ABCC1: variants seen among roughly 807,000 people sequenced by gnomAD.
ABCC1 encodes multidrug resistance-associated protein 1.
In ABCC1, 83 loss-of-function variants were observed where a neutral mutation model predicts 172.9. The observed-to-expected ratio is 0.48, with a 90% confidence interval of 0.40 to 0.58. The LOEUF is 0.58. Ranked by LOEUF, ABCC1 falls within the 20% of genes least tolerant of loss-of-function variation. The probability of loss-of-function intolerance (pLI) is 0.00; values close to 1 mark genes in which losing one functional copy is unlikely to be tolerated. For missense variants in ABCC1, 1,817 were observed against 2,002.7 expected, an observed-to-expected ratio of 0.91 and a Z score of 1.77; for synonymous variants, 937 against 825.2, an observed-to-expected ratio of 1.14 and a Z score of -2.32.
At chr16:15,995,955 G>C (rs879883749) in intron 1 of ABCC1, among the ~76,000 whole-genome samples, 4 of 148,598 alleles carry the variant, frequency 2.7e-5, no homozygotes, top group Non-Finnish European at 5.9e-5. Context: ...GATTACAGGT[G>C]TGTACCACCA....
rs527425430 is a variant in ABCC1 at position 15,989,979 on chromosome 16, C to T, written c.49-17837C>T. On this transcript the variant is annotated intron_variant, in intron 1 of 30. Coordinates refer to ENST00000399410, the MANE Select transcript of ABCC1 (RefSeq NM_004996.4). ...GCAGCTTCCCACTCCTGGGCTCAAG[C>T]GATCTTACCACCTCAGCCTCCCAAG... Among the ~76,000 whole-genome samples the T allele has an allele frequency of 3.9e-5, 6 of 151,930 alleles. No homozygotes were observed. In the South Asian group the frequency reaches 1.0e-3, roughly 26 times the overall value.
intron 6 of ABCC1, among the ~76,000 whole-genome samples, chr16:16,033,582 G>C (rs552656953): frequency 3.1e-4 from 47 of 152,210 alleles, no homozygotes; most frequent in African/African-American, 1.1e-3. Context: ...CACATGTGCA[G>C]ATCAGCAGTG....
chr16:16,056,010 A>C, intron 11 of ABCC1, 82 bp from the exon 12 acceptor site: 2 of 1,239,960 alleles, frequency 1.6e-6, no homozygotes, highest in Non-Finnish European at 2.3e-6. Context: ...AATAAAGTTT[A>C]TGAGAAAAAT....
intron 1 of ABCC1, among the ~76,000 whole-genome samples, chr16:16,001,489 C>T (rs1409906421): frequency 2.0e-5 from 3 of 152,044 alleles, no homozygotes; most frequent in African/African-American, 4.8e-5. Context: ...CGTGAGCCAC[C>T]GCGCCCAGCC....
intron 26 of ABCC1, among the ~76,000 whole-genome samples, chr16:16,127,948 G>A (rs1347903007): frequency 2.2e-5 from 3 of 135,278 alleles, no homozygotes; most frequent in Non-Finnish European, 4.8e-5. Flanking sequence ...GATGGAATTT[G>A]GCTTTTTTTT....
chr16:16,048,138 A>G lies in ABCC1; in HGVS notation c.1219-4A>G. 1 of 1,613,880 alleles carries G rather than the reference A, an allele frequency of 6.2e-7. No homozygotes were observed. Among genetic ancestry groups the G allele is most frequent in the Non-Finnish European group, 8.5e-7 (1 of 1,179,942 alleles). ...ACCCACCTTCCCTCTCCTTTGTCCCACAGGCCCTGGTGATCACCAATTCAG... is the reference window on the plus strand; with the variant it reads ...ACCCACCTTCCCTCTCCTTTGTCCCGCAGGCCCTGGTGATCACCAATTCAG... On this transcript the variant is annotated splice_region_variant and splice_polypyrimidine_tract_variant and intron_variant, in intron 9 of 30. Coordinates refer to ENST00000399410, the MANE Select transcript of ABCC1 (RefSeq NM_004996.4).
At position 16,066,934 on chromosome 16, in the gene ABCC1, C is replaced by T. The variant is rs192161500; in HGVS notation, c.1678-1222C>T. Reference sequence around the variant, plus strand: ...AAAAAAAGTATCTTTAGGTAAGATGCCAGTGTTGCGTTACCGCTTAGAAGA... The same window carrying T: ...AAAAAAAGTATCTTTAGGTAAGATGTCAGTGTTGCGTTACCGCTTAGAAGA... On this transcript the variant is annotated intron_variant, in intron 12 of 30. Transcript: ENST00000399410. Among the ~76,000 whole-genome samples, 357 of 151,722 alleles carry T rather than the reference C, an allele frequency of 2.4e-3. 9 individuals are homozygous for T. The highest frequency in any genetic ancestry group is 1.8e-3 in the Non-Finnish European group (121 of 67,950).
At chr16:16,006,843 G>A (rs984120350) in intron 1 of ABCC1, among the ~76,000 whole-genome samples, 1 of 145,770 alleles carries the variant, frequency 6.9e-6, no homozygotes, top group African/African-American at 2.8e-5. Flanking sequence ...GTTGTTATCC[G>A]TGGTGGTGGC....
At chr16:16,026,947 T>TTC (rs540438388) in intron 5 of ABCC1, among the ~76,000 whole-genome samples, 7 of 152,038 alleles carry the variant, frequency 4.6e-5, no homozygotes, top group Non-Finnish European at 8.8e-5. Context: ...CTGTGCAGTG[T>TTC]TCTGTCTGTC....
intron 1 of ABCC1, among the ~76,000 whole-genome samples, chr16:15,959,206 A>C (rs2046072589): frequency 1.3e-5 from 2 of 152,170 alleles, no homozygotes; most frequent in South Asian, 4.1e-4. Flanking sequence ...CTAGAGAAGA[A>C]ACTTGCGGCA....
intron 29 of ABCC1, 139 bp downstream of exon 29, chr16:16,136,783 C>T (rs1385370491): frequency 2.0e-6 from 2 of 1,017,508 alleles, no homozygotes; most frequent in African/African-American, 1.6e-5. Flanking sequence ...CCTCTTGGAG[C>T]CTCAGTTTCT....
At position 16,114,794 on chromosome 16, in the gene ABCC1, C is replaced by T. The variant is rs199993607; in HGVS notation, c.3108C>T (p.Ala1036=). ...QGIAVFGYSM[A]VSIGGILASR... ...TCGCCGTGTTTGGCTACTCCATGGCCGTGTCCATCGGGGGGATCTTGGCTT... is the reference window on the plus strand; with the variant it reads ...TCGCCGTGTTTGGCTACTCCATGGCTGTGTCCATCGGGGGGATCTTGGCTT... Residue 1036 remains alanine (A), a synonymous_variant, in exon 23 of 31, where the codon GCC becomes GCT. Transcript: ENST00000399410. 2.2e-5 allele frequency: 36 copies of T among 1,605,840 alleles called. No homozygotes were observed. The highest frequency in any genetic ancestry group is 1.5e-4 in the African/African-American group (11 of 74,886).
chr16:16,104,736 G>C (rs1034468983), intron 20 of ABCC1, among the ~76,000 whole-genome samples: 1 of 152,180 alleles, frequency 6.6e-6, no homozygotes, highest in African/African-American at 2.4e-5. Context: ...TCGTCCGGGA[G>C]GCTCGGGCCG....
At chr16:15,994,031 C>A (rs1477782454) in intron 1 of ABCC1, among the ~76,000 whole-genome samples, 1 of 152,134 alleles carries the variant, frequency 6.6e-6, no homozygotes, top group African/African-American at 2.4e-5. Context: ...CCAGCCTGGG[C>A]AACATGGTAA....
chr16:16,106,859 G>C lies in ABCC1; in HGVS notation c.2857G>C (p.Ala953Pro), dbSNP rs201798499. 1,098 of 1,614,152 alleles carry C rather than the reference G, an allele frequency of 6.8e-4. 2 individuals carry two copies. The highest frequency in any genetic ancestry group is 1.6e-3 in the Middle Eastern group (10 of 6,062). Residue 953 changes from alanine to proline, a missense_variant, in exon 21 of 31, where the codon GCG becomes CCG. Physicochemically the swap from Ala to Pro is conservative, Grantham distance 27 (BLOSUM62 -1). Coordinates refer to ENST00000399410, the MANE Select transcript of ABCC1 (RefSeq NM_004996.4). The part of the protein sequence containing the change: ...ETWKLMEADK[A>P]QTGQVKLSVY... Reference sequence around the variant, plus strand: ...CTGGAAGCTGATGGAGGCTGACAAGGCGCAGACAGGGCAGGTGAGATTCGC... The same window carrying C: ...CTGGAAGCTGATGGAGGCTGACAAGCCGCAGACAGGGCAGGTGAGATTCGC...
chr16:16,090,647 T>A lies in ABCC1; in HGVS notation c.2644+59T>A, dbSNP rs567965983. The A allele has an allele frequency of 1.9e-5, 28 of 1,477,006 alleles. No individual in the cohort carries two copies. In the African/African-American group the frequency reaches 3.9e-4, roughly 21 times the overall value. The allele number at this position is 1,477,006 out of a possible 1,614,324, so 91.5% of individuals were successfully genotyped here. On this transcript the variant is annotated intron_variant, in intron 19 of 30. Coordinates refer to ENST00000399410, the MANE Select transcript of ABCC1 (RefSeq NM_004996.4). The stretch of plus-strand genomic sequence containing the variant: ...GTGTCTGGCACCTTGAAGGGCCACA[T>A]TGGCCTCTTTGAGGTTGCCACCAGC...
intron 1 of ABCC1, among the ~76,000 whole-genome samples, chr16:15,954,006 CTTTTTTT>C (rs57768825): frequency 3.4e-5 from 4 of 116,920 alleles, no homozygotes; most frequent in Non-Finnish European, 6.9e-5. Context: ...CCTCCCCACC[CTTTTTTT>C]TTTTTTTTTT....
intron 1 of ABCC1, among the ~76,000 whole-genome samples, chr16:15,966,765 C>T (rs2046253018): frequency 6.6e-6 from 1 of 151,790 alleles, no homozygotes; most frequent in African/African-American, 2.4e-5. Context: ...ATCTTCCTGC[C>T]TTACCCTCCC....
Position 16,033,670 on chromosome 16 carries a change from G to A in ABCC1, c.677+500G>A, listed in dbSNP as rs975172784. Among the ~76,000 whole-genome samples the A allele has an allele frequency of 2.6e-5, 4 of 151,532 alleles. 1 individual carries two copies. The highest frequency in any genetic ancestry group is 4.2e-4 in the South Asian group (2 of 4,802). On this transcript the variant is annotated intron_variant, in intron 6 of 30. Coordinates refer to ENST00000399410, the MANE Select transcript of ABCC1 (RefSeq NM_004996.4). ...GTCGTCTTTCTTTTTTTTTTGAGAC[G>A]GAGTCTTACTCTGTCAGTCTCAGCT...
Sources: gnomAD v4.1 joint callset for allele counts (sites outside exome capture counted in the v4.1 genomes callset) on GRCh38, gnomAD v4.1.1 for gene constraint, MANE v1.5 for transcripts, NCBI Gene and HGNC (gene_info 2026-07-23, HGNC 2026-07-21) for gene names.